HYOU1: variants seen among roughly 807,000 people sequenced by gnomAD.
HYOU1 encodes the protein hypoxia up-regulated 1.
Under a neutral mutation model 120.5 loss-of-function variants are expected in HYOU1, and 40 were observed. The observed-to-expected ratio is 0.33, with a 90% confidence interval of 0.26 to 0.43. HYOU1 has a LOEUF of 0.43. Among genes scored for constraint, HYOU1 ranks in the 20% least tolerant of loss-of-function variants. The pLI, the probability that HYOU1 is intolerant of heterozygous loss-of-function variation, is 1.00. For synonymous variants in HYOU1, 501 were observed against 479.4 expected, an observed-to-expected ratio of 1.05 and a Z score of -0.59; for missense variants, 1,085 against 1,278.3, an observed-to-expected ratio of 0.85 and a Z score of 2.31.
chr11:119,048,474 A>T lies in HYOU1; in HGVS notation c.2253+2T>A. 6.2e-7 allele frequency: 1 copy of T among 1,613,830 alleles called. No homozygotes were observed. Among genetic ancestry groups the T allele is most frequent in the Non-Finnish European group, 8.5e-7 (1 of 1,179,944 alleles). On this transcript the variant is annotated splice_donor_variant, in intron 19 of 25. Coordinates refer to ENST00000617285, the MANE Select transcript of HYOU1 (RefSeq NM_006389.5). LOFTEE classifies it high-confidence loss of function. This position sits in a 1 kb window ranked among gnomAD's most constrained non-coding sequence, Gnocchi z 4.7. ...GGGGGCTGCTGCCTCCTGCCCACTG[A>T]CCTGGGTCTCAAATATGAATGCTTC... is the stretch of plus-strand genomic sequence containing the variant.
intron 22 of HYOU1, chr11:119,047,371 C>G (rs1712072398): frequency 3.8e-6 from 1 of 260,662 alleles, no homozygotes; most frequent in South Asian, 4.6e-5. Flanking sequence ...TGACTCTCCA[C>G]TTTACTGAGC....
In HYOU1 at chr11:119,048,223, T is replaced by C. The variant is rs2133561907; in HGVS notation, c.2376+25A>G. The C allele has an allele frequency of 1.2e-6, 2 of 1,607,744 alleles. No individual in the cohort carries two copies. The highest frequency in any genetic ancestry group is 3.3e-5 in the Admixed American group (2 of 59,854). On this transcript the variant is annotated intron_variant, in intron 20 of 25. Coordinates refer to ENST00000617285, the MANE Select transcript of HYOU1 (RefSeq NM_006389.5). This position sits in a 1 kb window ranked among gnomAD's most constrained non-coding sequence, Gnocchi z 4.7. ...GAGGAAGGAGAGCTCCCACTCCACC[T>C]GCCATGTCCTGAGAGGCCCCTCACC...
chr11:119,054,362 C>A, intron 7 of HYOU1, 126 bp from the exon 8 acceptor site: 2 of 1,201,020 alleles, frequency 1.7e-6, no homozygotes. Flanking sequence ...CCAACAGGGG[C>A]TGGGAGGAGG....
Position 119,048,579 on chromosome 11 carries a change from G to A in HYOU1, c.2166-16C>T, listed in dbSNP as rs2133565517. 2 of 1,613,416 alleles carry A rather than the reference G, an allele frequency of 1.2e-6. No individual in the cohort carries two copies. Among genetic ancestry groups the A allele is most frequent in the Non-Finnish European group, 8.5e-7 (1 of 1,179,584 alleles). ...GTCCTGAAGTCTATGGGACAAAGGA[G>A]GGGTAGGGATGAGGGAGAGGGCAAG... On this transcript the variant is annotated splice_polypyrimidine_tract_variant and intron_variant, in intron 18 of 25. Transcript: ENST00000617285. This position sits in a 1 kb window ranked among gnomAD's most constrained non-coding sequence, Gnocchi z 4.7.
chr11:119,054,265 G>T, intron 7 of HYOU1, 29 bp from the exon 8 acceptor site: 2 of 1,571,158 alleles, frequency 1.3e-6, no homozygotes, highest in South Asian at 1.1e-5. Flanking sequence ...AACTGTCACA[G>T]GAACCTTCTC....
intron 16 of HYOU1, 25 bp downstream of exon 16, chr11:119,049,531 T>C (rs2133573816): frequency 1.2e-6 from 2 of 1,612,670 alleles, no homozygotes; most frequent in South Asian, 2.2e-5. Context: ...TCCTCCATGC[T>C]TCCCTGGCTC....
At chr11:119,049,867 A>G (rs1349186378) in intron 14 of HYOU1, 30 bp from the exon 15 acceptor site, 1 of 1,600,234 alleles carries the variant, frequency 6.2e-7, no homozygotes, top group Admixed American at 1.7e-5. Context: ...GAAAAAATAC[A>G]CAGGCTAATC....
At chr11:119,050,352 G>GC (rs1944350842) in intron 14 of HYOU1, among the ~76,000 whole-genome samples, 1 of 152,034 alleles carries the variant, frequency 6.6e-6, no homozygotes, top group Admixed American at 6.6e-5. Context: ...GGCGGAGGTT[G>GC]CAAGATCACG....
Position 119,048,879 on chromosome 11 carries a change from C to T in HYOU1, c.2000G>A (p.Ser667Asn). 1.2e-6 allele frequency: 2 copies of T among 1,606,332 alleles called. No homozygotes were observed. Among genetic ancestry groups the T allele is most frequent in the Non-Finnish European group, 1.7e-6 (2 of 1,176,676 alleles). ...CTCAGGCCCTGCCTCTGCCTTCTCA[C>T]TTGGTTTCTGGGTGGGAAGAGTCAG... ...NGDKSEAQKP[S>N]EKAEAGPEGV... The change falls in exon 18 of 26, where the codon AGT (serine) becomes AAT (asparagine). Residue 667 changes from serine to asparagine, a missense_variant. Physicochemically the swap from Ser to Asn is conservative, Grantham distance 46. Coordinates refer to ENST00000617285, the MANE Select transcript of HYOU1 (RefSeq NM_006389.5). The surrounding 1 kb of genome is among the most constrained non-coding windows in gnomAD (Gnocchi z 4.7).
In HYOU1 at chr11:119,048,702, G is replaced by A. The variant is rs2133566584; in HGVS notation, c.2165+12C>T. The A allele has an allele frequency of 2.1e-5, 33 of 1,607,524 alleles. No individual in the cohort carries two copies. Among genetic ancestry groups the A allele is most frequent in the Non-Finnish European group, 2.6e-5 (31 of 1,176,518 alleles). ...ACACATGTACACACACACACCAGCTGTCCTCACTTACTTCTGCACCGACTG... is the reference window on the plus strand; with the variant it reads ...ACACATGTACACACACACACCAGCTATCCTCACTTACTTCTGCACCGACTG... On this transcript the variant is annotated intron_variant, in intron 18 of 25. Coordinates refer to ENST00000617285, the MANE Select transcript of HYOU1 (RefSeq NM_006389.5). The surrounding 1 kb of genome is among the most constrained non-coding windows in gnomAD (Gnocchi z 4.7).
intron 6 of HYOU1, 42 bp downstream of exon 6, chr11:119,054,942 C>T: frequency 1.3e-6 from 2 of 1,585,264 alleles, no homozygotes; most frequent in Non-Finnish European, 1.7e-6. Flanking sequence ...TGCCCTAGAT[C>T]CTGGGGAGCC....
intron 22 of HYOU1, 28 bp downstream of exon 22, chr11:119,047,706 T>A: frequency 6.4e-7 from 1 of 1,572,584 alleles, no homozygotes; most frequent in Non-Finnish European, 8.8e-7. Context: ...CAGCTAAGTA[T>A]CTGGTTAAGT....
At chr11:119,054,435 T>C in intron 7 of HYOU1, 59 bp downstream of exon 7, 1 of 1,554,086 alleles carries the variant, frequency 6.4e-7, no homozygotes, top group Non-Finnish European at 8.9e-7. Context: ...AGGGACCAAG[T>C]GGCCTCCATC....
At chr11:119,049,998 T>C (rs1944328462) in intron 14 of HYOU1, among the ~76,000 whole-genome samples, 161 bp from the exon 15 acceptor site, 1 of 152,234 alleles carries the variant, frequency 6.6e-6, no homozygotes, top group South Asian at 2.1e-4. Context: ...CCATCTCCTT[T>C]GATTAAGAGC....
In HYOU1 at chr11:119,052,073, C is replaced by CT. The variant is rs1309658090; in HGVS notation, c.1205+16dup. On this transcript the variant is annotated intron_variant, in intron 11 of 25. Coordinates refer to ENST00000617285, the MANE Select transcript of HYOU1 (RefSeq NM_006389.5). The surrounding 1 kb of genome is among the most constrained non-coding windows in gnomAD (Gnocchi z 5.0). The stretch of plus-strand genomic sequence containing the variant: ...CCCAGGCAGAACTCAGCCAAGCGCT[C>CT]TAGCCCCCACACTCACTTGCCCACG... The CT allele has an allele frequency of 1.9e-6, 3 of 1,614,026 alleles. No individual in the cohort carries two copies. The African/African-American group carries it at 4.0e-5, about 22-fold the overall frequency.
At position 119,056,110 on chromosome 11, in the gene HYOU1, G is replaced by C. The variant is rs781918381; in HGVS notation, c.51C>G (p.Ala17=). ...RQRPRRRVCW[A]LVAVLLADLL... is the part of the protein sequence containing the mutation. ...GGTCTGCCAAGAGCACAGCCACCAA[G>C]GCCCAACAGACTCGCCTCCTCGGCC... The change falls in exon 2 of 26, where the codon GCC becomes GCG. Residue 17 remains alanine (A), a synonymous_variant. Transcript: ENST00000617285. The C allele has an allele frequency of 1.2e-6, 2 of 1,614,130 alleles. No homozygotes were observed. Among genetic ancestry groups the C allele is most frequent in the Admixed American group, 1.7e-5 (1 of 60,024 alleles).
rs782817998 is a variant in HYOU1 at position 119,045,605 on chromosome 11, G to A, written c.2988C>T (p.Asn996=). The part of the protein sequence containing the change: ...QSTGQKRPLK[N]DEL ...ACAGAGGTGGGGGTTATAGTTCGTC[G>A]TTCTTCAAAGGCCGCTTCTGTCCTG... Residue 996 remains asparagine (N), a synonymous_variant, in exon 26 of 26, where the codon AAC becomes AAT. Coordinates refer to ENST00000617285, the MANE Select transcript of HYOU1 (RefSeq NM_006389.5). The A allele has an allele frequency of 3.3e-5, 54 of 1,614,034 alleles. No individual in the cohort carries two copies. The South Asian group carries it at 3.7e-4, about 11-fold the overall frequency.
At position 119,049,548 on chromosome 11, in the gene HYOU1, G is replaced by C; in HGVS notation, c.1806+8C>G. On this transcript the variant is annotated splice_region_variant and intron_variant, in intron 16 of 25. Coordinates refer to ENST00000617285, the MANE Select transcript of HYOU1 (RefSeq NM_006389.5). The stretch of plus-strand genomic sequence containing the variant: ...CTCCATGCTTCCCTGGCTCCATCCT[G>C]AACTCACCTGGACAGTATCAGTACC... 3.7e-6 allele frequency: 6 copies of C among 1,613,842 alleles called. No individual in the cohort carries two copies. The East Asian group carries it at 1.3e-4, about 36-fold the overall frequency.
In HYOU1 at chr11:119,048,247, C is replaced by A; in HGVS notation, c.2376+1G>T. ...CTGCCATGTCCTGAGAGGCCCCTCACCACTGTGGTGGCTCCAACACCCTCA... is the reference window on the plus strand; with the variant it reads ...CTGCCATGTCCTGAGAGGCCCCTCAACACTGTGGTGGCTCCAACACCCTCA... On this transcript the variant is annotated splice_donor_variant, in intron 20 of 25. Transcript: ENST00000617285. LOFTEE classifies it high-confidence loss of function. The surrounding 1 kb of genome is among the most constrained non-coding windows in gnomAD (Gnocchi z 4.7). 1.2e-6 allele frequency: 2 copies of A among 1,610,970 alleles called. No homozygotes were observed. The highest frequency in any genetic ancestry group is 1.7e-6 in the Non-Finnish European group (2 of 1,179,842).
Sources: allele counts gnomAD v4.1 joint callset (sites outside exome capture counted in the v4.1 genomes callset), GRCh38; gene constraint gnomAD v4.1.1; non-coding constraint Gnocchi (gnomAD v3.1); transcripts MANE v1.5; gene names NCBI Gene and HGNC (gene_info 2026-07-23, HGNC 2026-07-21).